Variants in SLCO4A1 observed in about 807,000 individuals in gnomAD.
SLCO4A1 encodes solute carrier organic anion transporter family member 4A1.
In SLCO4A1, 51 loss-of-function variants were observed where a neutral mutation model predicts 64.6. The observed-to-expected ratio is 0.79, with a 90% confidence interval of 0.63 to 1.00. SLCO4A1 has a LOEUF of 1.00. SLCO4A1 is among the 50% of genes least tolerant of loss of function. SLCO4A1 has a pLI of 0.00. For synonymous variants in SLCO4A1, 471 were observed against 444.9 expected (o/e 1.06, Z -0.74); for missense variants, 919 against 980.5 (o/e 0.94, Z 0.84).
intron 1 of SLCO4A1, among the ~76,000 whole-genome samples, chr20:62,655,722 G>C (rs1384537354): frequency 6.6e-6 from 1 of 152,226 alleles, no homozygotes; most frequent in African/African-American, 2.4e-5. Flanking sequence ...TGGCGGCCGG[G>C]GGTGTTTCCG....
chr20:62,659,682 G>A (rs906859876), intron 3 of SLCO4A1, among the ~76,000 whole-genome samples: 6 of 152,248 alleles, frequency 3.9e-5, no homozygotes, highest in African/African-American at 7.2e-5. Context: ...GCATTTCTGC[G>A]CTGGAGCAAG....
intron 11 of SLCO4A1, among the ~76,000 whole-genome samples, chr20:62,669,551 G>A (rs1233509493): frequency 2.0e-5 from 3 of 152,166 alleles, no homozygotes; most frequent in Non-Finnish European, 4.4e-5. Context: ...CTCTTAGTCT[G>A]GCCCTCATTT....
In SLCO4A1 at chr20:62,657,240, C is replaced by T. The variant is rs568591946; in HGVS notation, c.786C>T (p.Pro262=). 54 of 1,529,972 alleles carry T rather than the reference C, an allele frequency of 3.5e-5. No individual in the cohort carries two copies. Among genetic ancestry groups the T allele is most frequent in the South Asian group, 8.5e-5 (7 of 82,828 alleles). The allele number at this position is 1,529,972 out of a possible 1,614,324, so 94.8% of individuals were successfully genotyped here. A position where few individuals can be genotyped will look rare whatever the true frequency, so the allele number is the denominator to read the frequency against. Residue 262 remains proline (P), a synonymous_variant, in exon 2 of 12, where the codon CCC becomes CCT. Coordinates refer to ENST00000217159, the MANE Select transcript of SLCO4A1 (RefSeq NM_016354.4). ...AGAACGTCAAGTCCAGCTGCTCGCC[C>T]GTCTACATTGGTGAGTGGGGCTGGC... ...LDENVKSSCS[P]VYIAIFYTAA...
At chr20:62,677,793 C>T (rs541419572) in intron 2 of SLCO4A1, among the ~76,000 whole-genome samples, 63 of 152,350 alleles carry the variant, frequency 4.1e-4, no homozygotes, top group African/African-American at 1.5e-3. Flanking sequence ...GGGAACCCAG[C>T]GCCACGCTGT....
Position 62,671,759 on chromosome 20 carries a change from G to A in SLCO4A1, c.2035G>A (p.Val679Ile), listed in dbSNP as rs148916720. Residue 679 changes from valine (V) to isoleucine (I), a missense_variant, in exon 12 of 12, where the codon GTC (valine) becomes ATC (isoleucine). Transcript: ENST00000217159. ...IMGLLYKVLG[V>I]LFFAIACFLY... is the part of the protein sequence containing the mutation. ...GCTCCTCTCTCCCCAGGTGCTGGGC[G>A]TCCTCTTCTTTGCCATAGCCTGCTT... The A allele has an allele frequency of 1.3e-4, 213 of 1,613,314 alleles. No individual in the cohort carries two copies. The African/African-American group carries it at 1.6e-3, about 12-fold the overall frequency.
At chr20:62,643,240 G>C (rs2147050385) in intron 1 of SLCO4A1, 1 of 341,166 alleles carries the variant, frequency 2.9e-6, no homozygotes, top group African/African-American at 2.2e-5. Flanking sequence ...TCCAGGTGCA[G>C]GCAGAGGGTC....
intron 2 of SLCO4A1, among the ~76,000 whole-genome samples, chr20:62,683,660 A>G (rs1055630270): frequency 6.6e-6 from 1 of 152,162 alleles, no homozygotes; most frequent in Admixed American, 6.5e-5. Context: ...TGTATTCAGC[A>G]CGGCAACACA....
chr20:62,683,582 G>A (rs968628798), intron 2 of SLCO4A1, among the ~76,000 whole-genome samples: 9 of 152,286 alleles, frequency 5.9e-5, no homozygotes, highest in African/African-American at 2.2e-4. Flanking sequence ...CCTATTGTTG[G>A]TGCACCTTTT....
At chr20:62,663,358 G>A (rs910267423) in intron 5 of SLCO4A1, 3 of 152,334 alleles carry the variant, frequency 2.0e-5, no homozygotes, top group African/African-American at 4.8e-5. Flanking sequence ...AGGTGTGGCC[G>A]AGAGGAAAGA....
intron 1 of SLCO4A1, among the ~76,000 whole-genome samples, chr20:62,654,069 C>T (rs1446576705): frequency 6.6e-6 from 1 of 152,196 alleles, no homozygotes; most frequent in Non-Finnish European, 1.5e-5. Flanking sequence ...TTCCCACCAG[C>T]TCCGGAGGCC....
In SLCO4A1 at chr20:62,661,041, C is replaced by CCCCCCCCCCCCCCCCACAA; in HGVS notation, c.1010-23_1010-22insCCCCCCCCCCCCCCCACAA. 3.1e-5 allele frequency: 44 copies of CCCCCCCCCCCCCCCCACAA among 1,424,116 alleles called. No homozygotes were observed. Among genetic ancestry groups the CCCCCCCCCCCCCCCCACAA allele is most frequent in the Non-Finnish European group, 3.8e-5 (38 of 1,010,116 alleles). 88.2% of individuals were successfully genotyped at this position (1,424,116 alleles called of 1,614,324 possible). ...TCCGGGAGCCCCCAGCCCCCAGCCCCAGCTCACTCTGTGCCCTTCCAGGCT... is the reference window on the plus strand; with the variant it reads ...TCCGGGAGCCCCCAGCCCCCAGCCCCCCCCCCCCCCCCCCCACAAAGCTCACTCTGTGCCCTTCCAGGCT... On this transcript the variant is annotated intron_variant, in intron 4 of 11. Transcript: ENST00000217159. The surrounding 1 kb of genome is among the most constrained non-coding windows in gnomAD (Gnocchi z 5.2).
At chr20:62,666,317 C>T (rs552772430) in intron 6 of SLCO4A1, 63 bp from the exon 7 acceptor site, 1 of 1,483,268 alleles carries the variant, frequency 6.7e-7, no homozygotes, top group East Asian at 2.3e-5. Context: ...CCGGCTGATC[C>T]ACCACCCTCT....
At position 62,669,114 on chromosome 20, in the gene SLCO4A1, C is replaced by G. The variant is rs762330184; in HGVS notation, c.2025+36C>G. 3 of 1,591,870 alleles carry G rather than the reference C, an allele frequency of 1.9e-6. No individual in the cohort carries two copies. In the Admixed American group the frequency reaches 5.0e-5, roughly 27 times the overall value. ...CCAGGGAGGGGACAGAGGGTCTGCTCTGAGGGTGGCTGGGGGCTCCGAACA... is the reference window on the plus strand; with the variant it reads ...CCAGGGAGGGGACAGAGGGTCTGCTGTGAGGGTGGCTGGGGGCTCCGAACA... On this transcript the variant is annotated intron_variant, in intron 11 of 11. Transcript: ENST00000217159.
At chr20:62,663,702 G>A (rs149652484) in intron 5 of SLCO4A1, among the ~76,000 whole-genome samples, 371 of 152,280 alleles carry the variant, frequency 2.4e-3, no homozygotes, top group Middle Eastern at 6.8e-3. Flanking sequence ...GGGGAGAAGG[G>A]TCACGCACAG....
At chr20:62,663,487 A>G (rs576024518) in intron 5 of SLCO4A1, 5 of 152,356 alleles carry the variant, frequency 3.3e-5, no homozygotes, top group African/African-American at 1.2e-4. Flanking sequence ...AGTCAGCGAC[A>G]CTGCGGTGTG....
chr20:62,668,473 G>A lies in SLCO4A1; in HGVS notation c.1812-4G>A, dbSNP rs766651885. 6.2e-7 allele frequency: 1 copy of A among 1,613,864 alleles called. No individual in the cohort carries two copies. On this transcript the variant is annotated splice_polypyrimidine_tract_variant and splice_region_variant and intron_variant, in intron 9 of 11. Transcript: ENST00000217159. The stretch of plus-strand genomic sequence containing the variant: ...GGTGCTGACGCTGTGGTTTTCTATT[G>A]CAGATGTGTCCGTGACCCTCAGAGA...
intron 1 of SLCO4A1, among the ~76,000 whole-genome samples, chr20:62,653,181 G>A (rs535397743): frequency 5.9e-4 from 90 of 152,346 alleles, no homozygotes; most frequent in African/African-American, 2.1e-3. Context: ...TCCATTCGCT[G>A]AGAGGGCGAG....
chr20:62,646,305 G>A (rs760348642), intron 1 of SLCO4A1, among the ~76,000 whole-genome samples: 1 of 152,192 alleles, frequency 6.6e-6, no homozygotes, highest in Non-Finnish European at 1.5e-5. Context: ...GAGTCCCAGA[G>A]CCCTGGCTGC....
intron 1 of SLCO4A1, chr20:62,643,117 C>T (rs981032454): frequency 4.6e-6 from 2 of 436,476 alleles, no homozygotes; most frequent in Non-Finnish European, 9.5e-6. Context: ...GAGACATCTC[C>T]GGGAGGGGAG....
Sources: allele counts gnomAD v4.1 joint callset (sites outside exome capture counted in the v4.1 genomes callset), GRCh38; gene constraint gnomAD v4.1.1; non-coding constraint Gnocchi (gnomAD v3.1); transcripts MANE v1.5; gene names NCBI Gene and HGNC (gene_info 2026-07-23, HGNC 2026-07-21).